LEPR: variants seen among roughly 807,000 people sequenced by gnomAD.
LEPR encodes the protein leptin receptor.
A neutral mutation model predicts 114.7 loss-of-function variants in LEPR; 56 were observed. The observed-to-expected ratio is 0.49, with a 90% CI of 0.39 to 0.61. The LOEUF (loss-of-function observed/expected upper bound fraction) is 0.61. Among genes scored for constraint, LEPR ranks in the 20% least tolerant of loss-of-function variants. The pLI is 0.00. For synonymous variants in LEPR, 443 were observed against 461.4 expected (o/e 0.96, Z 0.51); for missense variants, 1,202 against 1,352.9 (o/e 0.89, Z 1.75).
At chr1:65,621,595 C>T in intron 18 of LEPR, 137 bp downstream of exon 18, 1 of 715,150 alleles carries the variant, frequency 1.4e-6, no homozygotes, top group East Asian at 2.8e-5. Context: ...ATTAAGATAG[C>T]ATAAAAAGGA....
At chr1:65,589,783 T>C (rs1208604090) in intron 5 of LEPR, among the ~76,000 whole-genome samples, 1 of 152,120 alleles carries the variant, frequency 6.6e-6, no homozygotes, top group African/African-American at 2.4e-5. Flanking sequence ...TTACTTTTTT[T>C]TGTTTTTACA....
At chr1:65,488,844 C>G (rs1433017909) in intron 2 of LEPR, among the ~76,000 whole-genome samples, 2 of 152,002 alleles carry the variant, frequency 1.3e-5, no homozygotes, top group East Asian at 3.9e-4. Context: ...ACTTTTAGCT[C>G]CCACATGTGA....
At chr1:65,466,820 C>T (rs1489156371) in intron 2 of LEPR, among the ~76,000 whole-genome samples, 1 of 152,116 alleles carries the variant, frequency 6.6e-6, no homozygotes, top group African/African-American at 2.4e-5. Flanking sequence ...ATTGAATTGG[C>T]TATTGAACCT....
At chr1:65,518,874 T>TC (rs1649437526) in intron 2 of LEPR, among the ~76,000 whole-genome samples, 1 of 22,278 alleles carries the variant, frequency 4.5e-5, no homozygotes, top group African/African-American at 1.6e-4. Context: ...TTTCTTTCTT[T>TC]TTCTTTCTTT....
chr1:65,532,433 T>A (rs1650466240), intron 2 of LEPR, among the ~76,000 whole-genome samples: 1 of 152,182 alleles, frequency 6.6e-6, no homozygotes, highest in South Asian at 2.1e-4. Context: ...TAAACGTAAG[T>A]GTTTAAGATA....
intron 10 of LEPR, among the ~76,000 whole-genome samples, chr1:65,603,533 A>C (rs1211756281): frequency 6.6e-6 from 1 of 152,254 alleles, no homozygotes; most frequent in Non-Finnish European, 1.5e-5. Flanking sequence ...TATTCAGAGC[A>C]AACATTGGCC....
intron 2 of LEPR, among the ~76,000 whole-genome samples, chr1:65,542,633 G>T (rs545170890): frequency 2.0e-5 from 3 of 151,708 alleles, no homozygotes; most frequent in African/African-American, 7.3e-5. Flanking sequence ...CCCCCGACAG[G>T]CCCTGGTGTG....
chr1:65,496,035 CAGTT>C (rs1299326429), intron 2 of LEPR, among the ~76,000 whole-genome samples: 2 of 152,046 alleles, frequency 1.3e-5, no homozygotes, highest in African/African-American at 4.8e-5. Flanking sequence ...TATTTCAAAA[CAGTT>C]AGAAGAGAGA....
intron 15 of LEPR, 84 bp downstream of exon 15, chr1:65,616,308 A>G (rs1657520286): frequency 2.9e-6 from 4 of 1,388,140 alleles, no homozygotes; most frequent in Non-Finnish European, 4.0e-6. Flanking sequence ...TTATCTTTCA[A>G]GCAGCCTGCA....
chr1:65,466,380 C>T (rs1400117314), intron 2 of LEPR, among the ~76,000 whole-genome samples: 2 of 152,178 alleles, frequency 1.3e-5, no homozygotes, highest in Non-Finnish European at 2.9e-5. Context: ...TGTAGGGTTT[C>T]TGCCGAGAGA....
chr1:65,618,532 T>A (rs1215958473), intron 16 of LEPR, among the ~76,000 whole-genome samples: 1 of 152,150 alleles, frequency 6.6e-6, no homozygotes, highest in African/African-American at 2.4e-5. Context: ...GGTCTCACTA[T>A]GTTGCTCAGG....
intron 2 of LEPR, among the ~76,000 whole-genome samples, chr1:65,493,301 T>C (rs1180186561): frequency 6.6e-6 from 1 of 152,124 alleles, no homozygotes; most frequent in African/African-American, 2.4e-5. Flanking sequence ...TCTGGTTCTT[T>C]GGTTTTCCTA....
chr1:65,429,797 ATG>A, intron 2 of LEPR: 2 of 1,252,956 alleles, frequency 1.6e-6, no homozygotes, highest in Non-Finnish European at 2.1e-6. Flanking sequence ...AAATAGTAGT[ATG>A]TCTTTCATTT....
At chr1:65,574,800 T>A (rs1654461566) in intron 5 of LEPR, among the ~76,000 whole-genome samples, 1 of 152,144 alleles carries the variant, frequency 6.6e-6, no homozygotes, top group East Asian at 1.9e-4. Flanking sequence ...GTGTGAGTAG[T>A]GAGTAGTCAA....
chr1:65,472,196 T>TA (rs940242815), intron 2 of LEPR, among the ~76,000 whole-genome samples: 45 of 152,044 alleles, frequency 3.0e-4, no homozygotes, highest in African/African-American at 6.5e-4. Context: ...CCGTTTTTTT[T>TA]AAAAAAGCAT....
intron 19 of LEPR, 82 bp downstream of exon 19, chr1:65,623,063 T>C (rs1657980374): frequency 2.2e-6 from 3 of 1,340,564 alleles, no homozygotes; most frequent in Non-Finnish European, 3.1e-6. Flanking sequence ...ATTAAGCATT[T>C]TTAAGATTTA....
At chr1:65,544,435 C>A (rs1651489520) in intron 2 of LEPR, among the ~76,000 whole-genome samples, 1 of 151,978 alleles carries the variant, frequency 6.6e-6, no homozygotes, top group Non-Finnish European at 1.5e-5. Context: ...CCCTTAATTT[C>A]TTTCTCTTGC....
chr1:65,436,371 T>C (rs936022778), intron 2 of LEPR, among the ~76,000 whole-genome samples: 5 of 152,202 alleles, frequency 3.3e-5, no homozygotes, highest in African/African-American at 1.2e-4. Flanking sequence ...TAGAAAGTAG[T>C]CTTTAAGGAA....
chr1:65,607,391 C>G (rs1656884517), intron 11 of LEPR, among the ~76,000 whole-genome samples: 1 of 152,182 alleles, frequency 6.6e-6, no homozygotes, highest in Non-Finnish European at 1.5e-5. Flanking sequence ...CCAGAGGCCT[C>G]TGCTGTACCA....
Sources: allele counts gnomAD v4.1 joint callset (sites outside exome capture counted in the v4.1 genomes callset), GRCh38; gene constraint gnomAD v4.1.1; transcripts MANE v1.5; gene names NCBI Gene and HGNC (gene_info 2026-07-23, HGNC 2026-07-21).